ADCY8: variants seen among roughly 807,000 people sequenced by gnomAD.
ADCY8 encodes the protein adenylate cyclase 8.
In ADCY8, 51 loss-of-function variants were observed where a neutral mutation model predicts 119.7. The ratio of observed to expected loss-of-function variants is 0.43; its 90% CI spans 0.34 to 0.54. The LOEUF is 0.54. Ranked by LOEUF, ADCY8 falls within the 20% of genes least tolerant of loss-of-function variation. The pLI is 0.03. For synonymous variants in ADCY8, 665 were observed against 651.0 expected (o/e 1.02, Z -0.33); for missense variants, 1,383 against 1,598.8 (o/e 0.87, Z 2.30).
At chr8:130,834,087 A>T (rs1384201111) in intron 12 of ADCY8, among the ~76,000 whole-genome samples, 1 of 152,244 alleles carries the variant, frequency 6.6e-6, no homozygotes, top group African/African-American at 2.4e-5. Context: ...GAAGTAATGC[A>T]TATGTTAATT....
At chr8:130,840,384 T>C (rs1028877724) in intron 11 of ADCY8, among the ~76,000 whole-genome samples, 6 of 112,122 alleles carry the variant, frequency 5.4e-5, no homozygotes, top group African/African-American at 1.6e-4. Context: ...TGAAGGACTG[T>C]GGAAGAAGAG....
intron 9 of ADCY8, among the ~76,000 whole-genome samples, chr8:130,862,940 G>A (rs1398129198): frequency 6.6e-6 from 1 of 152,174 alleles, no homozygotes; most frequent in Non-Finnish European, 1.5e-5. Context: ...GTTCATGTGA[G>A]CTTGAGAAGA....
chr8:130,859,841 T>G (rs2130361541), intron 9 of ADCY8, among the ~76,000 whole-genome samples: 1 of 152,334 alleles, frequency 6.6e-6, no homozygotes, highest in African/African-American at 2.4e-5. Flanking sequence ...CCTAACGATC[T>G]ATTTACCATT....
intron 15 of ADCY8, among the ~76,000 whole-genome samples, chr8:130,788,146 T>A (rs1815315764): frequency 6.6e-6 from 1 of 152,220 alleles, no homozygotes; most frequent in Non-Finnish European, 1.5e-5. Flanking sequence ...TCCTGGCAAT[T>A]GTGAATGATG....
intron 9 of ADCY8, among the ~76,000 whole-genome samples, chr8:130,862,078 C>T (rs1817949987): frequency 6.6e-6 from 1 of 152,014 alleles, no homozygotes; most frequent in Non-Finnish European, 1.5e-5. Flanking sequence ...ATTTCATTTG[C>T]TAATATTTTG....
intron 15 of ADCY8, among the ~76,000 whole-genome samples, chr8:130,788,804 A>C (rs977022668): frequency 3.9e-5 from 6 of 152,154 alleles, no homozygotes; most frequent in Non-Finnish European, 8.8e-5. Flanking sequence ...AAAAATTTGC[A>C]AATTTATTTG....
intron 5 of ADCY8, among the ~76,000 whole-genome samples, chr8:130,927,102 A>T (rs1820494636): frequency 6.6e-6 from 1 of 152,182 alleles, no homozygotes; most frequent in Non-Finnish European, 1.5e-5. Context: ...TTTCCTTTGC[A>T]TAACTACTCA....
intron 2 of ADCY8, among the ~76,000 whole-genome samples, chr8:130,972,742 G>C (rs958297978): frequency 1.2e-4 from 19 of 152,108 alleles, no homozygotes; most frequent in Non-Finnish European, 2.6e-4. Context: ...TTGCCACCCT[G>C]GTCTTATGCT....
intron 11 of ADCY8, among the ~76,000 whole-genome samples, chr8:130,840,077 A>G (rs1485874545): frequency 2.9e-5 from 4 of 140,016 alleles, no homozygotes; most frequent in Non-Finnish European, 4.8e-5. Flanking sequence ...AGTCAGAGGT[A>G]GCACTAATAT....
chr8:130,798,994 A>T (rs937796872), intron 15 of ADCY8, among the ~76,000 whole-genome samples: 1 of 152,146 alleles, frequency 6.6e-6, no homozygotes, highest in African/African-American at 2.4e-5. Flanking sequence ...AACAACATGG[A>T]TGGGTCTGGA....
chr8:131,031,818 G>C (rs1824005769), intron 1 of ADCY8, among the ~76,000 whole-genome samples: 1 of 151,952 alleles, frequency 6.6e-6, no homozygotes, highest in Non-Finnish European at 1.5e-5. Flanking sequence ...CTCAGGTTTT[G>C]TTATAGCAGC....
intron 1 of ADCY8, among the ~76,000 whole-genome samples, chr8:131,014,392 A>G (rs1316381860): frequency 1.3e-5 from 2 of 152,240 alleles, no homozygotes; most frequent in East Asian, 3.8e-4. Flanking sequence ...AATGGAAGCT[A>G]GTAACATAAA....
intron 9 of ADCY8, among the ~76,000 whole-genome samples, chr8:130,866,196 C>A (rs933287831): frequency 1.8e-4 from 27 of 152,098 alleles, no homozygotes; most frequent in African/African-American, 6.3e-4. Context: ...TGGTCAGATT[C>A]GTAAGAATTC....
chr8:130,803,090 T>A (rs1426957533), intron 14 of ADCY8, among the ~76,000 whole-genome samples: 1 of 152,214 alleles, frequency 6.6e-6, no homozygotes, highest in Non-Finnish European at 1.5e-5. Flanking sequence ...TGCATTCAAA[T>A]CCTTGTCTCA....
In ADCY8 at chr8:130,959,861, GT is replaced by G. The variant is rs150036758; in HGVS notation, c.1111-7864del. ...GCCAAGTGCAGTGGAGTAGAGTGGC[GT>G]GAGGGTATGGAGACATGCTGGGCCT... On this transcript the variant is annotated intron_variant, in intron 2 of 17. Coordinates refer to ENST00000286355, the MANE Select transcript of ADCY8 (RefSeq NM_001115.3). 9.9e-3 allele frequency among the ~76,000 whole-genome samples: 1,503 copies of G among 152,334 alleles called. 27 individuals carry two copies. The highest frequency in any genetic ancestry group is 0.034 in the African/African-American group (1,421 of 41,570).
intron 1 of ADCY8, among the ~76,000 whole-genome samples, chr8:130,992,224 T>C (rs901323905): frequency 6.7e-6 from 1 of 148,566 alleles, no homozygotes; most frequent in Non-Finnish European, 1.5e-5. Flanking sequence ...GGATTACAGG[T>C]GTGTACTACC....
rs1351395060 is a variant in ADCY8 at position 130,814,138 on chromosome 8, C to T, written c.2844G>A (p.Glu948=). Residue 948 remains glutamate (E), a synonymous_variant, in exon 14 of 18, where the codon GAG becomes GAA. Transcript: ENST00000286355. Reference sequence around the variant, plus strand: ...TGGGTAAGATATTCCGGAGCATGTTCTCATTGTGTTCCCTCAGCTCCTTCA... The same window carrying T: ...TGGGTAAGATATTCCGGAGCATGTTTTCATTGTGTTCCCTCAGCTCCTTCA... ...NEMKELREHN[E]NMLRNILPSH... The T allele has an allele frequency of 6.2e-7, 1 of 1,614,136 alleles. No individual in the cohort carries two copies. Among genetic ancestry groups the T allele is most frequent in the Admixed American group, 1.7e-5 (1 of 60,016 alleles).
chr8:130,862,570 G>A (rs533427457), intron 9 of ADCY8, among the ~76,000 whole-genome samples: 1 of 152,048 alleles, frequency 6.6e-6, no homozygotes, highest in African/African-American at 2.4e-5. Context: ...CGGCCACCAC[G>A]CCTGGCTAAT....
chr8:130,914,270 C>T (rs1312870231), intron 5 of ADCY8, among the ~76,000 whole-genome samples: 3 of 152,036 alleles, frequency 2.0e-5, no homozygotes, highest in Non-Finnish European at 4.4e-5. Context: ...ATTGTGAGCC[C>T]CGAAGGATAT....
Sources: gnomAD v4.1 joint callset for allele counts (sites outside exome capture counted in the v4.1 genomes callset) on GRCh38, gnomAD v4.1.1 for gene constraint, MANE v1.5 for transcripts, NCBI Gene and HGNC (gene_info 2026-07-23, HGNC 2026-07-21) for gene names.